The following ZNF454 variants were observed in gnomAD, a reference collection of about 807,000 sequenced individuals.
ZNF454 encodes the protein zinc finger protein 454.
Under a neutral mutation model 48.2 loss-of-function variants are expected in ZNF454, and 30 were observed. That is an observed-to-expected ratio of 0.62 (90% CI 0.47 to 0.84). The LOEUF is 0.84. Among genes scored for constraint, ZNF454 ranks in the 40% least tolerant of loss-of-function variants. The pLI is 0.00. For missense variants in ZNF454, 510 were observed against 623.1 expected (o/e 0.82, Z 1.93); for synonymous variants, 204 against 211.4 (o/e 0.97, Z 0.30).
Position 178,941,451 on chromosome 5 carries a change from C to T in ZNF454, c.-108+7C>T, listed in dbSNP as rs1561691037. 4.4e-6 allele frequency: 2 copies of T among 450,784 alleles called. No homozygotes were observed. Among genetic ancestry groups the T allele is most frequent in the Non-Finnish European group, 8.9e-6 (2 of 224,380 alleles). The allele number at this position is 450,784 out of a possible 1,614,324, so 27.9% of individuals were successfully genotyped here. A position where few individuals can be genotyped will look rare whatever the true frequency, so the allele number is the denominator to read the frequency against. On this transcript the variant is annotated splice_region_variant and intron_variant, in intron 1 of 4. Transcript: ENST00000519564. The surrounding 1 kb of genome is among the most constrained non-coding windows in gnomAD (Gnocchi z 5.5). ...GCCCCAAACTTCCCGGAATGTATGTCTGAGATTTGATCCCAGAGAGGGAGG... is the reference window on the plus strand; with the variant it reads ...GCCCCAAACTTCCCGGAATGTATGTTTGAGATTTGATCCCAGAGAGGGAGG...
intron 4 of ZNF454, chr5:178,947,956 C>T (rs1453194754): frequency 2.0e-5 from 3 of 151,996 alleles, no homozygotes; most frequent in African/African-American, 7.3e-5. Flanking sequence ...GCTGTGTCAC[C>T]CAGGCAGGAG....
the ZNF454 span, chr5:178,979,370 TG>T: frequency 3.9e-5 from 6 of 152,320 alleles, no homozygotes; most frequent in East Asian, 1.2e-3. Context: ...AGAGAAACCT[TG>T]TGAAGGTACT....
Position 178,947,000 on chromosome 5 carries a change from G to C in ZNF454, c.250+14G>C. 1 of 1,610,188 alleles carries C rather than the reference G, an allele frequency of 6.2e-7. No homozygotes were observed. On this transcript the variant is annotated intron_variant, in intron 4 of 4. Transcript: ENST00000519564. This position sits in a 1 kb window ranked among gnomAD's most constrained non-coding sequence, Gnocchi z 4.5. ...GCTTCTGTCTTGGTAAGAATCATGT[G>C]TGTGGGAGACACCGGGAGGAGCCCT... is the stretch of plus-strand genomic sequence containing the variant.
chr5:178,956,732 GTCTC>G (rs1197887094), intron 4 of ZNF454, among the ~76,000 whole-genome samples: 1 of 150,508 alleles, frequency 6.6e-6, no homozygotes, highest in Non-Finnish European at 1.5e-5. Context: ...TTGAGACGGA[GTCTC>G]TCTCTGTCAC....
At chr5:178,981,656 G>A in the ZNF454 span, 2 of 1,611,554 alleles carry the variant, frequency 1.2e-6, no homozygotes. This position sits in a 1 kb window ranked among gnomAD's most constrained non-coding sequence, Gnocchi z 5.1. Flanking sequence ...CACCTGCCCT[G>A]CTACTTGTGG....
At chr5:178,945,351 T>A (rs1463841533) in intron 2 of ZNF454, among the ~76,000 whole-genome samples, 1 of 150,620 alleles carries the variant, frequency 6.6e-6, no homozygotes, top group Non-Finnish European at 1.5e-5. Flanking sequence ...GGTGTATGGA[T>A]ATGGGTTGTG....
chr5:178,984,267 C>T, the ZNF454 span, among the ~76,000 whole-genome samples: 1 of 144,864 alleles, frequency 6.9e-6, no homozygotes, highest in Non-Finnish European at 1.5e-5. Flanking sequence ...GATGCCGCAG[C>T]CCGTGGAGTG....
downstream of ZNF454, among the ~76,000 whole-genome samples, chr5:178,967,707 C>A (rs1955859476): frequency 6.7e-6 from 1 of 149,018 alleles, no homozygotes; most frequent in Non-Finnish European, 1.5e-5. Flanking sequence ...AAGTATGGTT[C>A]CTTTACCCTG....
At chr5:178,952,039 G>GT (rs1230428854) in intron 4 of ZNF454, among the ~76,000 whole-genome samples, 4,207 of 137,550 alleles carry the variant, frequency 0.031, 135 homozygotes, top group East Asian at 0.084. Flanking sequence ...TGAACATCTT[G>GT]TTTTTTTTTT....
the ZNF454 span, chr5:178,982,709 AAAAG>A: frequency 3.7e-6 from 2 of 544,542 alleles, no homozygotes; most frequent in Non-Finnish European, 6.5e-6. Context: ...AAAAAAGAAA[AAAAG>A]AAGAGTGGAA....
At chr5:178,942,916 CA>C in intron 2 of ZNF454, 92 bp downstream of exon 2, 1 of 1,430,322 alleles carries the variant, frequency 7.0e-7, no homozygotes, top group South Asian at 1.4e-5. Context: ...ATTCCCAATC[CA>C]GTCCCACCCA....
the ZNF454 span, among the ~76,000 whole-genome samples, chr5:178,988,647 GGAGTGTGGTGT>G: frequency 1.3e-5 from 2 of 152,212 alleles, no homozygotes; most frequent in Non-Finnish European, 2.9e-5. This position sits in a 1 kb window ranked among gnomAD's most constrained non-coding sequence, Gnocchi z 6.0. Context: ...GCAGTGGAGG[GGAGTGTGGTGT>G]GACCCACTGG....
intron 2 of ZNF454, 134 bp downstream of exon 2, chr5:178,942,958 A>G (rs1759169423): frequency 1.1e-6 from 1 of 894,650 alleles, no homozygotes; most frequent in Non-Finnish European, 1.7e-6. Flanking sequence ...CTCCCCAACC[A>G]ACACCCTCCA....
the ZNF454 span, chr5:178,986,428 C>T: frequency 4.3e-5 from 70 of 1,613,434 alleles, no homozygotes; most frequent in Admixed American, 2.5e-4. Flanking sequence ...GTTGTTGTAC[C>T]GCACGAAGGT....
At chr5:178,973,367 G>T in the ZNF454 span, among the ~76,000 whole-genome samples, 1 of 152,230 alleles carries the variant, frequency 6.6e-6, no homozygotes, top group South Asian at 2.1e-4. Flanking sequence ...ATTAAAAAAT[G>T]GAAAAGTTTC....
Position 178,941,232 on chromosome 5 carries a change from T to A in ZNF454, c.-320T>A, listed in dbSNP as rs1025854497. 1 of 386,316 alleles carries A rather than the reference T, an allele frequency of 2.6e-6. No homozygotes were observed. Among genetic ancestry groups the A allele is most frequent in the South Asian group, 1.9e-5 (1 of 52,916 alleles). 23.9% of individuals were successfully genotyped at this position (386,316 alleles called of 1,614,324 possible). A position where few individuals can be genotyped will look rare whatever the true frequency, so the allele number is the denominator to read the frequency against. On this transcript the variant is annotated 5_prime_UTR_variant, in exon 1 of 5. Coordinates refer to ENST00000519564, the MANE Select transcript of ZNF454 (RefSeq NM_001178089.3). This position sits in a 1 kb window ranked among gnomAD's most constrained non-coding sequence, Gnocchi z 5.5. ...CTGCAGACTCCAGCTCATTGTGTTC[T>A]GACTGCGATGTGGCGCTTGCGATCT...
chr5:178,973,565 C>T, the ZNF454 span, among the ~76,000 whole-genome samples: 2 of 152,058 alleles, frequency 1.3e-5, no homozygotes, highest in Admixed American at 6.6e-5. Flanking sequence ...TTGACTGGGC[C>T]GGGCGCAGTG....
the ZNF454 span, among the ~76,000 whole-genome samples, chr5:178,974,366 T>C: frequency 6.6e-6 from 1 of 152,144 alleles, no homozygotes; most frequent in Non-Finnish European, 1.5e-5. Flanking sequence ...GTCGCCAGGC[T>C]GGAGTGCACT....
the ZNF454 span, chr5:178,985,620 G>A: frequency 5.8e-4 from 210 of 361,878 alleles, no homozygotes; most frequent in Middle Eastern, 5.7e-3. Context: ...GGAGAATGGC[G>A]TGAACCCGGA....
Sources: allele counts gnomAD v4.1 joint callset (sites outside exome capture counted in the v4.1 genomes callset), GRCh38; gene constraint gnomAD v4.1.1; non-coding constraint Gnocchi (gnomAD v3.1); transcripts MANE v1.5; gene names NCBI Gene and HGNC (gene_info 2026-07-23, HGNC 2026-07-21).